Variants in CTBP1 observed in about 807,000 individuals in gnomAD.
CTBP1 encodes C-terminal-binding protein 1.
Under a neutral mutation model 42.1 loss-of-function variants are expected in CTBP1, and 11 were observed. The observed-to-expected ratio is 0.26, with a 90% CI of 0.16 to 0.43. CTBP1 has a LOEUF of 0.43. CTBP1 is among the 20% of genes least tolerant of loss of function. The probability of loss-of-function intolerance (pLI) is 1.00; values close to 1 mark genes in which losing one functional copy is unlikely to be tolerated. For synonymous variants in CTBP1, 324 were observed against 277.1 expected (o/e 1.17, Z -1.68); for missense variants, 399 against 624.3 (o/e 0.64, Z 3.85).
At chr4:1,248,706 C>A (rs1733031186) in intron 1 of CTBP1, 9 of 982,478 alleles carry the variant, frequency 9.2e-6, no homozygotes, top group Non-Finnish European at 1.1e-5. Flanking sequence ...CGCTCGCGCA[C>A]ACGCAGCGGC....
At chr4:1,217,000 G>C (rs993966514) in intron 5 of CTBP1, 1 of 152,754 alleles carries the variant, frequency 6.5e-6, no homozygotes, top group African/African-American at 2.4e-5. Context: ...CGCCGGGGCG[G>C]GTGGGAAGTG....
chr4:1,223,149 C>A (rs1039319438), intron 5 of CTBP1, among the ~76,000 whole-genome samples: 3 of 152,132 alleles, frequency 2.0e-5, no homozygotes, highest in Non-Finnish European at 2.9e-5. Flanking sequence ...CCGGCCCCTC[C>A]CGACCTCTGC....
In CTBP1 at chr4:1,238,169, C is replaced by T. The variant is rs1239648470; in HGVS notation, c.162+14G>A. On this transcript the variant is annotated intron_variant, in intron 3 of 9. Transcript: ENST00000382952. The surrounding 1 kb of genome is among the most constrained non-coding windows in gnomAD (Gnocchi z 5.9). ...GTGCGGTTCTGCCAGCCCCAGGCGA[C>T]CACGTGGTGGTACCTTCTCATGGAT... 6.2e-7 allele frequency: 1 copy of T among 1,612,672 alleles called. No individual in the cohort carries two copies. Among genetic ancestry groups the T allele is most frequent in the South Asian group, 1.1e-5 (1 of 91,062 alleles).
At chr4:1,213,760 A>G in intron 7 of CTBP1, 155 bp from the exon 8 acceptor site, 1 of 982,664 alleles carries the variant, frequency 1.0e-6, no homozygotes. Context: ...TGAGCTCAAG[A>G]GCACAGCCCC....
In CTBP1 at chr4:1,212,173, A is replaced by C; in HGVS notation, c.*67T>G. On this transcript the variant is annotated 3_prime_UTR_variant, in exon 10 of 10. Transcript: ENST00000382952. ...GGGCCACCACACAGATGCCTCCTCCACACACTCTGGTCCGAGGGTTTCCGG... is the reference window on the plus strand; with the variant it reads ...GGGCCACCACACAGATGCCTCCTCCCCACACTCTGGTCCGAGGGTTTCCGG... 1 of 1,321,702 alleles carries C rather than the reference A, an allele frequency of 7.6e-7. No individual in the cohort carries two copies. The allele number at this position is 1,321,702 out of a possible 1,614,324, so 81.9% of individuals were successfully genotyped here. A position where few individuals can be genotyped will look rare whatever the true frequency, so the allele number is the denominator to read the frequency against.
rs759740269 is a variant in CTBP1, at chr4:1,221,859, AGAAG to A, written c.514+3497_514+3500del. 5.8e-4 allele frequency: 242 copies of A among 419,420 alleles called. 1 individual carries two copies. Among genetic ancestry groups the A allele is most frequent in the African/African-American group, 2.2e-3 (108 of 48,444 alleles). The allele number at this position is 419,420 out of a possible 1,614,324, so 26.0% of individuals were successfully genotyped here. A position where few individuals can be genotyped will look rare whatever the true frequency, so the allele number is the denominator to read the frequency against. On this transcript the variant is annotated intron_variant, in intron 5 of 9. Coordinates refer to ENST00000382952, the MANE Select transcript of CTBP1 (RefSeq NM_001012614.2). ...GTGCACCTAAGACAGTGCATTTTTC[AGAAG>A]GAAGGAAGGAAGGGAAGGAGGGAGG...
At chr4:1,216,592 C>T (rs528759182) in intron 5 of CTBP1, 16 of 313,720 alleles carry the variant, frequency 5.1e-5, no homozygotes, top group Admixed American at 1.9e-4. Context: ...GCTGGCCTTT[C>T]GATCCACCCA....
At chr4:1,231,748 G>A (rs1730983808) in intron 3 of CTBP1, among the ~76,000 whole-genome samples, 1 of 152,256 alleles carries the variant, frequency 6.6e-6, no homozygotes, top group Non-Finnish European at 1.5e-5. Flanking sequence ...GGCCCAGGGT[G>A]GGGCTGGGCT....
chr4:1,212,870 G>A (rs938196854), intron 9 of CTBP1, 43 bp downstream of exon 9: 1 of 1,525,992 alleles, frequency 6.6e-7, no homozygotes, highest in Non-Finnish European at 9.1e-7. Flanking sequence ...GGGGAAGCCT[G>A]GGGCCCTCCT....
chr4:1,242,373 G>A lies in CTBP1; in HGVS notation c.-188-854C>T, dbSNP rs991379295. ...CATCAGGCTGACCAGGACAGGAGCC[G>A]GCCACCACCAGCCCAGCAGCATGGC... On this transcript the variant is annotated intron_variant, in intron 1 of 9. Coordinates refer to ENST00000382952, the MANE Select transcript of CTBP1 (RefSeq NM_001012614.2). 24 of 985,350 alleles carry A rather than the reference G, an allele frequency of 2.4e-5. No homozygotes were observed. The South Asian group carries it at 6.6e-4, about 27-fold the overall frequency. The allele number at this position is 985,350 out of a possible 1,614,324, so 61.0% of individuals were successfully genotyped here. A position where few individuals can be genotyped will look rare whatever the true frequency, so the allele number is the denominator to read the frequency against.
In CTBP1 at chr4:1,242,312, GAC is replaced by G. The variant is rs1031949816; in HGVS notation, c.-188-795_-188-794del. 9.1e-6 allele frequency: 9 copies of G among 985,286 alleles called. No individual in the cohort carries two copies. The African/African-American group carries it at 1.6e-4, about 17-fold the overall frequency. The allele number at this position is 985,286 out of a possible 1,614,324, so 61.0% of individuals were successfully genotyped here. On this transcript the variant is annotated intron_variant, in intron 1 of 9. Transcript: ENST00000382952. ...CACCTGGCCCCTGCTCTGGCATGAAGACACAGCACCGAGGCTGACCCCAACGT... is the reference window on the plus strand; with the variant it reads ...CACCTGGCCCCTGCTCTGGCATGAAGACAGCACCGAGGCTGACCCCAACGT...
chr4:1,213,366 G>A lies in CTBP1; in HGVS notation c.988+112C>T, dbSNP rs1265953834. The A allele has an allele frequency of 7.2e-6, 11 of 1,529,658 alleles. No individual in the cohort carries two copies. The East Asian group carries it at 2.5e-4, about 35-fold the overall frequency. 94.8% of individuals were successfully genotyped at this position (1,529,658 alleles called of 1,614,324 possible). On this transcript the variant is annotated intron_variant, in intron 8 of 9. Transcript: ENST00000382952. ...CTGGGGGTGCAGTGAGAGCACCACGGGCCCTGAGCTGGCAGAACATGGGCC... is the reference window on the plus strand; with the variant it reads ...CTGGGGGTGCAGTGAGAGCACCACGAGCCCTGAGCTGGCAGAACATGGGCC...
intron 5 of CTBP1, chr4:1,223,327 C>T (rs933573479): frequency 2.4e-6 from 1 of 411,404 alleles, no homozygotes; most frequent in Non-Finnish European, 4.9e-6. Context: ...GCCCTGGGGT[C>T]CTGGTGGGGG....
intron 5 of CTBP1, among the ~76,000 whole-genome samples, chr4:1,219,879 C>G (rs1441404358): frequency 6.6e-6 from 1 of 152,236 alleles, no homozygotes; most frequent in East Asian, 1.9e-4. Flanking sequence ...TTACAAAACT[C>G]AAGTGTATTT....
At chr4:1,214,001 G>T in intron 7 of CTBP1, 1 of 413,788 alleles carries the variant, frequency 2.4e-6, no homozygotes, top group Non-Finnish European at 4.3e-6. Flanking sequence ...CCAAGGTGCT[G>T]TAGGGGCTGC....
intron 2 of CTBP1, among the ~76,000 whole-genome samples, chr4:1,239,654 C>T (rs910633146): frequency 3.3e-5 from 5 of 152,224 alleles, no homozygotes; most frequent in African/African-American, 1.2e-4. Context: ...CAGCACACGC[C>T]TGCAGGGGAC....
intron 4 of CTBP1, among the ~76,000 whole-genome samples, chr4:1,225,898 C>G (rs1358881348): frequency 1.3e-5 from 2 of 151,988 alleles, no homozygotes; most frequent in African/African-American, 2.4e-5. Flanking sequence ...GCACGTGTCT[C>G]CCCGCGTCAC....
intron 5 of CTBP1, chr4:1,223,529 C>CG: frequency 2.2e-6 from 1 of 455,478 alleles, no homozygotes; most frequent in South Asian, 1.5e-5. Flanking sequence ...GTTTGGGAAG[C>CG]GGGGGGCCGG....
intron 5 of CTBP1, among the ~76,000 whole-genome samples, chr4:1,222,561 C>T (rs1343850634): frequency 1.6e-4 from 25 of 152,282 alleles, no homozygotes; most frequent in East Asian, 9.7e-4. Context: ...CTCCTCAGGA[C>T]GCCGGGGTCC....
Sources: allele counts gnomAD v4.1 joint callset (sites outside exome capture counted in the v4.1 genomes callset), GRCh38; gene constraint gnomAD v4.1.1; non-coding constraint Gnocchi (gnomAD v3.1); transcripts MANE v1.5; gene names NCBI Gene and HGNC (gene_info 2026-07-23, HGNC 2026-07-21).